CNTNAP3B: variants seen among roughly 807,000 people sequenced by gnomAD.
CNTNAP3B encodes contactin-associated protein-like 3B.
A neutral mutation model predicts 108.9 loss-of-function variants in CNTNAP3B; 25 were observed. The observed-to-expected ratio is 0.23, with a 90% CI of 0.17 to 0.32. CNTNAP3B has a LOEUF of 0.32. CNTNAP3B is among the 10% of genes least tolerant of loss of function. The pLI, the probability that CNTNAP3B is intolerant of heterozygous loss-of-function variation, is 1.00. For missense variants in CNTNAP3B, 252 were observed against 1,210.4 expected (o/e 0.21, Z 11.75); for synonymous variants, 103 against 473.4 (o/e 0.22, Z 10.16).
chr9:42,018,770 C>T (rs550390457), intron 3 of CNTNAP3B, among the ~76,000 whole-genome samples: 111 of 151,872 alleles, frequency 7.3e-4, no homozygotes, highest in South Asian at 5.4e-3. Flanking sequence ...GGGTCTGAGG[C>T]CAAGTCCCAA....
At chr9:41,993,477 A>G (rs1825843540) in intron 7 of CNTNAP3B, 1 of 110,760 alleles carries the variant, frequency 9.0e-6, no homozygotes, top group Non-Finnish European at 1.9e-5. Context: ...TCATGACAAG[A>G]AAACATTTGC....
intron 1 of CNTNAP3B, among the ~76,000 whole-genome samples, chr9:42,112,897 C>A (rs1828224998): frequency 9.4e-6 from 1 of 105,830 alleles, no homozygotes; most frequent in Non-Finnish European, 1.9e-5. Context: ...TGAGACGGAG[C>A]CTCGCCCTGT....
chr9:41,936,029 C>T (rs1824146404), intron 14 of CNTNAP3B, among the ~76,000 whole-genome samples: 2 of 152,210 alleles, frequency 1.3e-5, no homozygotes, highest in African/African-American at 2.4e-5. Flanking sequence ...GTGAAGTCTA[C>T]AATAAAGTAT....
At chr9:41,934,114 T>TACACACAC (rs1337508143) in intron 14 of CNTNAP3B, among the ~76,000 whole-genome samples, 1 of 129,480 alleles carries the variant, frequency 7.7e-6, no homozygotes, top group Admixed American at 7.9e-5. Flanking sequence ...TATATATATA[T>TACACACAC]ATATATATAC....
intron 8 of CNTNAP3B, among the ~76,000 whole-genome samples, chr9:41,990,388 A>ACGTTTT (rs1825783641): frequency 7.7e-6 from 1 of 129,332 alleles, no homozygotes. Flanking sequence ...GTCTCCTCTG[A>ACGTTTT]ATATCTGTTT....
At chr9:42,119,467 T>G (rs1828406561) in intron 1 of CNTNAP3B, among the ~76,000 whole-genome samples, 1 of 128,412 alleles carries the variant, frequency 7.8e-6, no homozygotes, top group Admixed American at 7.8e-5. Flanking sequence ...TTCACAGAAT[T>G]GGAAAAAACT....
intron 1 of CNTNAP3B, among the ~76,000 whole-genome samples, chr9:42,111,647 C>T (rs1483393399): frequency 2.2e-5 from 3 of 138,652 alleles, no homozygotes; most frequent in Non-Finnish European, 4.6e-5. Context: ...TTGTTCAAGC[C>T]TATTTGATCT....
intron 18 of CNTNAP3B, among the ~76,000 whole-genome samples, chr9:41,917,993 T>C (rs1823564767): frequency 6.6e-6 from 1 of 152,312 alleles, no homozygotes. Context: ...TGTTTCTTCA[T>C]TTGATGTATT....
chr9:42,124,265 AT>A (rs1292199711), intron 1 of CNTNAP3B, among the ~76,000 whole-genome samples: 1 of 129,568 alleles, frequency 7.7e-6, no homozygotes, highest in Non-Finnish European at 1.6e-5. Flanking sequence ...ACTTTATGAT[AT>A]TTTTTAATTT....
intron 15 of CNTNAP3B, among the ~76,000 whole-genome samples, chr9:41,924,547 C>G (rs1162925954): frequency 2.0e-5 from 3 of 152,350 alleles, no homozygotes; most frequent in African/African-American, 7.2e-5. Flanking sequence ...GGACATGTTT[C>G]ATTTGAGATA....
chr9:41,927,910 C>A, intron 15 of CNTNAP3B, among the ~76,000 whole-genome samples: 1 of 117,058 alleles, frequency 8.5e-6, no homozygotes, highest in Admixed American at 8.8e-5. Context: ...GTATGGGGGG[C>A]AAAGGAAACA....
intron 2 of CNTNAP3B, among the ~76,000 whole-genome samples, chr9:42,086,399 T>A (rs1827704636): frequency 1.6e-5 from 1 of 61,318 alleles, no homozygotes; most frequent in African/African-American, 6.8e-5. Context: ...TATATATAAA[T>A]TTTTTTTACA....
intron 13 of CNTNAP3B, among the ~76,000 whole-genome samples, chr9:41,941,404 T>G (rs1824338414): frequency 6.7e-6 from 1 of 149,368 alleles, no homozygotes; most frequent in African/African-American, 2.5e-5. Flanking sequence ...AGAATGGCTA[T>G]CTCATAAAAT....
chr9:42,036,714 G>A lies in CNTNAP3B; in HGVS notation c.391-23189C>T, dbSNP rs568238099. On this transcript the variant is annotated intron_variant, in intron 3 of 23. Transcript: ENST00000377561. ...AAGAGAGTAGTGGTTCTCCCAGCAC[G>A]GAATTTGAGATCTGAGAATGTACAG... 8.0e-3 allele frequency among the ~76,000 whole-genome samples: 1,113 copies of A among 138,276 alleles called. 159 individuals are homozygous for A. The highest frequency in any genetic ancestry group is 0.031 in the African/African-American group (1,061 of 34,586). 90.7% of individuals were successfully genotyped at this position (138,276 alleles called of 152,430 possible).
chr9:41,939,327 C>A (rs1273383165), intron 13 of CNTNAP3B, among the ~76,000 whole-genome samples: 1 of 152,308 alleles, frequency 6.6e-6, no homozygotes, highest in Non-Finnish European at 1.5e-5. Context: ...CATGCTTGAT[C>A]ATGTGGTGCT....
At chr9:42,037,611 C>A (rs1402528064) in intron 3 of CNTNAP3B, among the ~76,000 whole-genome samples, 2 of 109,020 alleles carry the variant, frequency 1.8e-5, no homozygotes, top group Non-Finnish European at 3.7e-5. Context: ...ACAAAGCCTC[C>A]AAGAAATATG....
rs571866983 is a variant in CNTNAP3B at position 42,112,093 on chromosome 9, C to T, written c.86-7354G>A. ...GAATCCCCTACACATTTCTCAGATG[C>T]GCTTCCTCCTTTAATTGGAGTGGTC... is the stretch of plus-strand genomic sequence containing the variant. On this transcript the variant is annotated intron_variant, in intron 1 of 23. Coordinates refer to ENST00000377561, the MANE Select transcript of CNTNAP3B (RefSeq NM_001201380.3). 1.2e-4 allele frequency among the ~76,000 whole-genome samples: 17 copies of T among 139,800 alleles called. 4 individuals are homozygous for T. The East Asian group carries it at 1.3e-3, about 11-fold the overall frequency. The allele number at this position is 139,800 out of a possible 152,430, so 91.7% of individuals were successfully genotyped here.
chr9:42,014,778 T>A (rs1587200124), intron 3 of CNTNAP3B, among the ~76,000 whole-genome samples: 1 of 55,652 alleles, frequency 1.8e-5, no homozygotes, highest in Non-Finnish European at 3.2e-5. Context: ...GCAACAGAGG[T>A]AGACTCCGTC....
rs1299027608 is a variant in CNTNAP3B at position 42,077,138 on chromosome 9, C to T, written c.197-76G>A. On this transcript the variant is annotated intron_variant, in intron 2 of 23. Transcript: ENST00000377561. The stretch of plus-strand genomic sequence containing the variant: ...ACATAGCTGTTACTAGATTAGAAAA[C>T]TATAAAATTATGAATATATATTAAG... The T allele has an allele frequency of 6.7e-6, 6 of 894,324 alleles. 1 individual carries two copies. In the East Asian group the frequency reaches 1.8e-4, roughly 26 times the overall value. The allele number at this position is 894,324 out of a possible 1,614,324, so 55.4% of individuals were successfully genotyped here.
Sources: gnomAD v4.1 joint callset for allele counts (sites outside exome capture counted in the v4.1 genomes callset) on GRCh38, gnomAD v4.1.1 for gene constraint, MANE v1.5 for transcripts, NCBI Gene and HGNC (gene_info 2026-07-23, HGNC 2026-07-21) for gene names.